Variants in CDH12 observed in about 807,000 individuals in gnomAD.
CDH12 encodes cadherin 12, also known as cadherin-12.
A neutral mutation model predicts 74.1 loss-of-function variants in CDH12; 41 were observed. The observed-to-expected ratio is 0.55, with a 90% CI of 0.43 to 0.72. CDH12 has a LOEUF of 0.72. Ranked by LOEUF, CDH12 falls within the 30% of genes least tolerant of loss-of-function variation. The pLI, the probability that CDH12 is intolerant of heterozygous loss-of-function variation, is 0.00. For missense variants in CDH12, 945 were observed against 977.2 expected (o/e 0.97, Z 0.44); for synonymous variants, 399 against 355.0 (o/e 1.12, Z -1.39).
intron 1 of CDH12, among the ~76,000 whole-genome samples, chr5:22,825,700 C>G (rs914608697): frequency 6.6e-6 from 1 of 152,148 alleles, no homozygotes; most frequent in African/African-American, 2.4e-5. Context: ...CCTCTGTACA[C>G]AATTGGCTTG....
chr5:22,748,344 T>C (rs1021882930), intron 1 of CDH12, among the ~76,000 whole-genome samples: 5 of 151,842 alleles, frequency 3.3e-5, no homozygotes, highest in African/African-American at 4.8e-5. Flanking sequence ...ATGAATAGAC[T>C]GGATGTAGCA....
intron 3 of CDH12, among the ~76,000 whole-genome samples, chr5:22,238,855 A>C (rs139602452): frequency 6.6e-6 from 1 of 152,212 alleles, no homozygotes; most frequent in Non-Finnish European, 1.5e-5. Context: ...GCTCCAAATA[A>C]TGAGTAGGCT....
At chr5:21,889,926 T>C (rs1752821304) in intron 6 of CDH12, 1 of 815,668 alleles carries the variant, frequency 1.2e-6, no homozygotes, top group Non-Finnish European at 1.5e-6. Flanking sequence ...TTTTATTGCT[T>C]ACAGAATCAG....
chr5:22,349,757 C>T (rs117293931), intron 3 of CDH12, among the ~76,000 whole-genome samples: 13 of 151,926 alleles, frequency 8.6e-5, no homozygotes, highest in Admixed American at 2.0e-4. Context: ...TTTTTTGAGA[C>T]GGAGTCTGGC....
chr5:22,551,787 A>G (rs74843724), intron 1 of CDH12, among the ~76,000 whole-genome samples: 22,617 of 152,146 alleles, frequency 0.15, 2,275 homozygotes, highest in East Asian at 0.36. Context: ...TGCAAAAGAG[A>G]TCAATAGATA....
chr5:22,284,133 C>A (rs538695451), intron 3 of CDH12, among the ~76,000 whole-genome samples: 2 of 152,236 alleles, frequency 1.3e-5, no homozygotes, highest in South Asian at 4.1e-4. Context: ...TAAAAATATT[C>A]TCTCTTTGCC....
At chr5:22,692,962 A>C (rs930175003) in intron 1 of CDH12, among the ~76,000 whole-genome samples, 1 of 151,978 alleles carries the variant, frequency 6.6e-6, no homozygotes, top group African/African-American at 2.4e-5. Context: ...CACACCAAAC[A>C]CTAAATATTA....
At chr5:21,928,753 AAT>A (rs1754706070) in intron 6 of CDH12, among the ~76,000 whole-genome samples, 2 of 147,992 alleles carry the variant, frequency 1.4e-5, no homozygotes, top group African/African-American at 5.1e-5. Context: ...TGAACTGAGT[AAT>A]GCTATCAGAT....
At chr5:22,603,495 C>G (rs991339884) in intron 1 of CDH12, among the ~76,000 whole-genome samples, 3 of 152,086 alleles carry the variant, frequency 2.0e-5, no homozygotes, top group Non-Finnish European at 4.4e-5. Flanking sequence ...AGAAGAGAAG[C>G]CTGGTGCTGA....
chr5:21,795,880 G>T (rs1330077850), intron 10 of CDH12, among the ~76,000 whole-genome samples: 2 of 151,856 alleles, frequency 1.3e-5, no homozygotes, highest in Non-Finnish European at 2.9e-5. Context: ...TTAATCGAGA[G>T]TTTCTTAAAA....
At chr5:22,020,840 AT>A (rs1737927266) in intron 5 of CDH12, among the ~76,000 whole-genome samples, 2 of 152,098 alleles carry the variant, frequency 1.3e-5, no homozygotes, top group African/African-American at 4.8e-5. Flanking sequence ...CAACATATGA[AT>A]TTTGGGGAGG....
chr5:22,830,976 T>C (rs1486027886), intron 1 of CDH12, among the ~76,000 whole-genome samples: 1 of 151,792 alleles, frequency 6.6e-6, no homozygotes, highest in East Asian at 1.9e-4. Context: ...ATCAGCTATT[T>C]TATATAATTT....
chr5:22,180,406 G>A (rs1190000103), intron 4 of CDH12, among the ~76,000 whole-genome samples: 2 of 151,884 alleles, frequency 1.3e-5, no homozygotes, highest in South Asian at 2.1e-4. Context: ...TCCTTTTACA[G>A]TACATCAATC....
chr5:21,934,439 T>C (rs1164466860), intron 6 of CDH12, among the ~76,000 whole-genome samples: 1 of 152,236 alleles, frequency 6.6e-6, no homozygotes, highest in African/African-American at 2.4e-5. Context: ...TATAGCCATC[T>C]GATGGACTAC....
chr5:22,471,753 T>C (rs1179324730), intron 2 of CDH12, among the ~76,000 whole-genome samples: 4 of 152,212 alleles, frequency 2.6e-5, no homozygotes, highest in African/African-American at 7.2e-5. Flanking sequence ...ATGACACAAA[T>C]CAGTGACTCC....
At chr5:22,126,864 C>A (rs990757657) in intron 4 of CDH12, among the ~76,000 whole-genome samples, 1 of 152,078 alleles carries the variant, frequency 6.6e-6, no homozygotes, top group Middle Eastern at 3.2e-3. Flanking sequence ...CTTTATCATC[C>A]CCAATGGCGT....
chr5:21,955,303 A>G lies in CDH12; in HGVS notation c.526+19788T>C, dbSNP rs573898819. 3.1e-4 allele frequency among the ~76,000 whole-genome samples: 47 copies of G among 152,048 alleles called. No individual in the cohort carries two copies. The South Asian group carries it at 9.7e-3, about 32-fold the overall frequency. ...TTTTTCTTATAAAATATAGGTTTTA[A>G]TATGAGTTTTAAAATAAAATTAATT... On this transcript the variant is annotated intron_variant, in intron 6 of 14. Transcript: ENST00000382254.
intron 2 of CDH12, among the ~76,000 whole-genome samples, chr5:22,471,734 C>G (rs1179619803): frequency 6.6e-6 from 1 of 152,220 alleles, no homozygotes; most frequent in African/African-American, 2.4e-5. Flanking sequence ...CTTGCTCTAA[C>G]AGCACCATAT....
chr5:22,754,536 AAGCAGGAG>A (rs1237940223), intron 1 of CDH12, among the ~76,000 whole-genome samples: 7 of 148,418 alleles, frequency 4.7e-5, no homozygotes, highest in Non-Finnish European at 5.9e-5. Context: ...TCATCAAGGA[AAGCAGGAG>A]AGAGGGAAGG....
Sources: gnomAD v4.1 joint callset for allele counts (sites outside exome capture counted in the v4.1 genomes callset) on GRCh38, gnomAD v4.1.1 for gene constraint, MANE v1.5 for transcripts, NCBI Gene and HGNC (gene_info 2026-07-23, HGNC 2026-07-21) for gene names.